The following FER variants were observed in gnomAD, a reference collection of about 807,000 sequenced individuals.
FER encodes FER tyrosine kinase, also known as tyrosine-protein kinase Fer.
FER carries 63 observed loss-of-function variants against 111.0 expected under a neutral mutation model. That is an observed-to-expected ratio of 0.57 (90% CI 0.46 to 0.70). The LOEUF is 0.70. Ranked by LOEUF, FER falls within the 30% of genes least tolerant of loss-of-function variation. The pLI, the probability that FER is intolerant of heterozygous loss-of-function variation, is 0.00. For missense variants in FER, 914 were observed against 954.0 expected (o/e 0.96, Z 0.55); for synonymous variants, 327 against 313.9 (o/e 1.04, Z -0.44).
chr5:108,849,495 T>G (rs193018599), intron 5 of FER, among the ~76,000 whole-genome samples: 49 of 152,222 alleles, frequency 3.2e-4, no homozygotes, highest in African/African-American at 1.1e-3. Flanking sequence ...TTTGTTGTTG[T>G]TGTTGTTATC....
At position 108,976,768 on chromosome 5, in the gene FER, C is replaced by T. The variant is rs779931377; in HGVS notation, c.1656+17421C>T. Among the ~76,000 whole-genome samples the T allele has an allele frequency of 2.6e-5, 4 of 151,866 alleles. No individual in the cohort carries two copies. The South Asian group carries it at 6.2e-4, about 24-fold the overall frequency. On this transcript the variant is annotated intron_variant, in intron 13 of 19. Transcript: ENST00000281092. ...AGTATTGTACTGTATTTATTGATAC[C>T]GTAAGTTTGTATCATCTGTTTACAA...
chr5:109,120,879 GATTT>G (rs979273645), intron 17 of FER, among the ~76,000 whole-genome samples: 29 of 151,854 alleles, frequency 1.9e-4, no homozygotes, highest in African/African-American at 7.0e-4. Context: ...CTACTTTCTT[GATTT>G]CTTTTTCAAC....
intron 2 of FER, among the ~76,000 whole-genome samples, chr5:108,796,060 G>A (rs1755980970): frequency 6.6e-6 from 1 of 152,160 alleles, no homozygotes; most frequent in Non-Finnish European, 1.5e-5. Context: ...CTTGGGTGCT[G>A]TCATGTAAGC....
rs1167727838 is a variant in FER at position 109,189,153 on chromosome 5, G to A, written c.*1578G>A. ...AACTCACTCACTCAGTTAAAACTAGGATTCTGTATCTTAACTCTTATCTAG... is the reference window on the plus strand; with the variant it reads ...AACTCACTCACTCAGTTAAAACTAGAATTCTGTATCTTAACTCTTATCTAG... On this transcript the variant is annotated 3_prime_UTR_variant, in exon 20 of 20. Coordinates refer to ENST00000281092, the MANE Select transcript of FER (RefSeq NM_005246.4). 1 of 151,766 alleles carries A rather than the reference G, an allele frequency of 6.6e-6. No homozygotes were observed. Among genetic ancestry groups the A allele is most frequent in the African/African-American group, 2.4e-5 (1 of 41,284 alleles). The allele number at this position is 151,766 out of a possible 1,614,324, so 9.4% of individuals were successfully genotyped here. A position where few individuals can be genotyped will look rare whatever the true frequency, so the allele number is the denominator to read the frequency against.
intron 16 of FER, among the ~76,000 whole-genome samples, chr5:109,085,816 G>T (rs1777504812): frequency 6.6e-6 from 1 of 151,660 alleles, no homozygotes; most frequent in Non-Finnish European, 1.5e-5. Flanking sequence ...ACGATTACAT[G>T]ATTTTTCTCC....
chr5:108,954,634 C>T (rs1758193330), intron 11 of FER, 95 bp from the exon 12 acceptor site: 6 of 929,274 alleles, frequency 6.5e-6, no homozygotes, highest in African/African-American at 1.7e-5. Flanking sequence ...AAGGGAGGAA[C>T]ATTTGTAAGA....
At chr5:109,072,614 A>G (rs190839780) in intron 16 of FER, among the ~76,000 whole-genome samples, 1 of 152,036 alleles carries the variant, frequency 6.6e-6, no homozygotes, top group Admixed American at 6.6e-5. Context: ...ACTTAAAGCT[A>G]TGTTTCTCTT....
intron 17 of FER, among the ~76,000 whole-genome samples, chr5:109,135,061 G>A (rs1190675834): frequency 6.6e-6 from 1 of 152,186 alleles, no homozygotes; most frequent in Non-Finnish European, 1.5e-5. Context: ...AGAAAGATAG[G>A]AAGGAGCATA....
At chr5:108,849,814 G>T (rs1259237640) in intron 5 of FER, among the ~76,000 whole-genome samples, 2 of 152,056 alleles carry the variant, frequency 1.3e-5, no homozygotes, top group Non-Finnish European at 2.9e-5. Flanking sequence ...TCTAGTCCAA[G>T]GAGAAAATGT....
At chr5:108,867,156 G>C (rs1580955952) in intron 5 of FER, among the ~76,000 whole-genome samples, 1 of 152,058 alleles carries the variant, frequency 6.6e-6, no homozygotes, top group Admixed American at 6.6e-5. Flanking sequence ...TTCAAGGACT[G>C]TTTTGCCAAA....
Position 108,842,828 on chromosome 5 carries a change from G to A in FER, c.481+7021G>A, listed in dbSNP as rs533452693. 2.6e-5 allele frequency: 4 copies of A among 152,244 alleles called. No individual in the cohort carries two copies. The East Asian group carries it at 7.7e-4, about 29-fold the overall frequency. 9.4% of individuals were successfully genotyped at this position (152,244 alleles called of 1,614,324 possible). On this transcript the variant is annotated intron_variant, in intron 5 of 19. Transcript: ENST00000281092. ...GAATGTAAAATAGTACAGCCACTAT[G>A]GAAAACAGAGTGGAGATTCCTTTAA...
At chr5:108,888,725 AT>A (rs912517225) in intron 9 of FER, among the ~76,000 whole-genome samples, 1 of 151,838 alleles carries the variant, frequency 6.6e-6, no homozygotes, top group Non-Finnish European at 1.5e-5. Context: ...CCAGCAATAC[AT>A]TTTTTTCAAT....
Position 108,959,228 on chromosome 5 carries a change from A to G in FER, c.1537A>G (p.Met513Val), listed in dbSNP as rs747399710. ...RHFIIQYVDN[M>V]YRFEGTGFSN... ...TACCTTATTGTTCTCTCTCCAGAAC[A>G]TGTATCGATTCGAGGGCACTGGGTT... The change falls in exon 13 of 20, where the codon ATG becomes GTG. Residue 513 changes from methionine (M) to valine (V), a missense_variant. Physicochemically the swap from Met to Val is conservative, Grantham distance 21. Around this residue, in one of 3 missense-constraint regions of FER, gnomAD observed 774 missense variants for 782.6 expected, o/e 0.99. Coordinates refer to ENST00000281092, the MANE Select transcript of FER (RefSeq NM_005246.4). The G allele has an allele frequency of 6.2e-7, 1 of 1,611,554 alleles. No homozygotes were observed. The highest frequency in any genetic ancestry group is 1.1e-5 in the South Asian group (1 of 90,858).
At chr5:109,053,474 A>G (rs1773138498) in intron 16 of FER, among the ~76,000 whole-genome samples, 1 of 151,528 alleles carries the variant, frequency 6.6e-6, no homozygotes, top group Non-Finnish European at 1.5e-5. Context: ...AAATTTACTC[A>G]TGCCTCTTTG....
At chr5:109,160,816 C>A (rs774963018) in intron 17 of FER, among the ~76,000 whole-genome samples, 1 of 152,048 alleles carries the variant, frequency 6.6e-6, no homozygotes, top group African/African-American at 2.4e-5. Flanking sequence ...TATAAAAACA[C>A]CTAGAGAATT....
chr5:108,799,680 G>A (rs1561437734), intron 3 of FER, among the ~76,000 whole-genome samples: 1 of 152,100 alleles, frequency 6.6e-6, no homozygotes, highest in African/African-American at 2.4e-5. Flanking sequence ...AATTTCATCT[G>A]TGGGTATAAA....
Position 109,185,651 on chromosome 5 carries a change from T to A in FER, c.2204-549T>A, listed in dbSNP as rs188168592. Among the ~76,000 whole-genome samples, 444 of 152,252 alleles carry A rather than the reference T, an allele frequency of 2.9e-3. 1 individual carries two copies. Among genetic ancestry groups the A allele is most frequent in the African/African-American group, 9.4e-3 (391 of 41,542 alleles). ...TATTCTTGGGGGGAGGGAGAGTGAT[T>A]TGGAGGCTAGTTTGATTAAACTAGC... is the stretch of plus-strand genomic sequence containing the variant. On this transcript the variant is annotated intron_variant, in intron 18 of 19. Coordinates refer to ENST00000281092, the MANE Select transcript of FER (RefSeq NM_005246.4).
intron 10 of FER, among the ~76,000 whole-genome samples, chr5:108,940,973 G>A (rs1756182376): frequency 6.6e-6 from 1 of 152,078 alleles, no homozygotes. Context: ...GACTAGGCTG[G>A]GGAATGGGTA....
intron 17 of FER, among the ~76,000 whole-genome samples, chr5:109,108,021 C>A (rs1018214306): frequency 6.6e-6 from 1 of 151,898 alleles, no homozygotes; most frequent in Non-Finnish European, 1.5e-5. Context: ...GTCACTGTTA[C>A]CTAGAGCTAG....
Sources: gnomAD v4.1 joint callset for allele counts (sites outside exome capture counted in the v4.1 genomes callset) on GRCh38, gnomAD v4.1.1 for gene constraint, gnomAD v4.1.1 regional missense constraint, MANE v1.5 for transcripts, NCBI Gene and HGNC (gene_info 2026-07-23, HGNC 2026-07-21) for gene names.